Variants in DLG2 observed in about 807,000 individuals in gnomAD.
DLG2 encodes discs large MAGUK scaffold protein 2.
Under a neutral mutation model 132.5 loss-of-function variants are expected in DLG2, and 45 were observed. That is an observed-to-expected ratio of 0.34 (90% confidence interval 0.27 to 0.44). The LOEUF (loss-of-function observed/expected upper bound fraction) is 0.44, where lower values mean the gene tolerates loss of function less well. Ranked by LOEUF, DLG2 falls within the 20% of genes least tolerant of loss-of-function variation. The pLI is 1.00. For synonymous variants in DLG2, 424 were observed against 419.6 expected (o/e 1.01, Z -0.13); for missense variants, 1,045 against 1,196.9 (o/e 0.87, Z 1.87).
At chr11:85,382,597 G>A (rs2085980890) in intron 3 of DLG2, among the ~76,000 whole-genome samples, 1 of 151,926 alleles carries the variant, frequency 6.6e-6, no homozygotes, top group African/African-American at 2.4e-5. Context: ...AGTCATTTTT[G>A]ATAAGGGTTT....
chr11:84,170,043 G>C (rs1405381277), intron 8 of DLG2, among the ~76,000 whole-genome samples: 1 of 152,088 alleles, frequency 6.6e-6, no homozygotes. Context: ...ATGTTCATGA[G>C]AGCACAGGTT....
Position 83,655,457 on chromosome 11 carries a change from T to C in DLG2, c.1826-22132A>G, listed in dbSNP as rs1180240076. 3.3e-5 allele frequency among the ~76,000 whole-genome samples: 5 copies of C among 152,164 alleles called. No individual in the cohort carries two copies. The East Asian group carries it at 9.6e-4, about 29-fold the overall frequency. On this transcript the variant is annotated intron_variant, in intron 18 of 27. Transcript: ENST00000376104. ...AAAGGCTAAATTTCAGGGAGAGCAC[T>C]TGTCAGAGTGCTTATATTGGGTCAG...
At chr11:85,000,124 C>T (rs2058067683) in intron 6 of DLG2, among the ~76,000 whole-genome samples, 1 of 152,110 alleles carries the variant, frequency 6.6e-6, no homozygotes, top group African/African-American at 2.4e-5. Flanking sequence ...CTTTCTAGTG[C>T]ACTTCAAGGA....
intron 14 of DLG2, among the ~76,000 whole-genome samples, chr11:83,958,376 T>C (rs1258847623): frequency 6.6e-6 from 1 of 152,092 alleles, no homozygotes; most frequent in African/African-American, 2.4e-5. Flanking sequence ...TTATTGAGGC[T>C]TTTTTTATAT....
At chr11:83,865,976 A>G (rs1053685509) in intron 16 of DLG2, among the ~76,000 whole-genome samples, 1 of 152,170 alleles carries the variant, frequency 6.6e-6, no homozygotes, top group African/African-American at 2.4e-5. Flanking sequence ...TGCCTAGTCA[A>G]GGTCTATTGG....
intron 6 of DLG2, among the ~76,000 whole-genome samples, chr11:84,970,178 GA>G (rs2053887469): frequency 6.6e-6 from 1 of 151,862 alleles, no homozygotes; most frequent in African/African-American, 2.4e-5. Context: ...TAAAAAAAAG[GA>G]AAAAAGAAAT....
intron 18 of DLG2, among the ~76,000 whole-genome samples, chr11:83,678,905 C>T (rs1226792551): frequency 1.3e-5 from 2 of 152,078 alleles, no homozygotes; most frequent in African/African-American, 2.4e-5. Flanking sequence ...AAAATGTGAT[C>T]TTAACTGGCA....
At chr11:85,149,293 A>G (rs141611023) in intron 5 of DLG2, among the ~76,000 whole-genome samples, 14 of 152,290 alleles carry the variant, frequency 9.2e-5, no homozygotes, top group African/African-American at 2.9e-4. Flanking sequence ...AAGAATGTCA[A>G]TAGTATTTTG....
chr11:83,928,902 A>C (rs1043650237), intron 15 of DLG2, among the ~76,000 whole-genome samples: 4 of 152,206 alleles, frequency 2.6e-5, no homozygotes, highest in African/African-American at 9.7e-5. Flanking sequence ...AAGTCATTAC[A>C]GGTATGTGGC....
intron 18 of DLG2, among the ~76,000 whole-genome samples, chr11:83,730,669 C>T (rs182589585): frequency 1.1e-4 from 16 of 152,260 alleles, no homozygotes; most frequent in Admixed American, 7.2e-4. Flanking sequence ...CCTTTATCTG[C>T]CATTTATTTG....
intron 6 of DLG2, among the ~76,000 whole-genome samples, chr11:85,106,603 C>T (rs2071795144): frequency 6.6e-6 from 1 of 151,908 alleles, no homozygotes; most frequent in African/African-American, 2.4e-5. Context: ...TCTTTCTTTC[C>T]TTCTAGCACT....
chr11:83,965,243 G>A (rs2089923984), intron 13 of DLG2, 81 bp downstream of exon 13: 1 of 1,428,632 alleles, frequency 7.0e-7, no homozygotes, highest in Admixed American at 2.1e-5. Context: ...GAAGGTACAA[G>A]TAGAACACTT....
At chr11:84,118,635 T>C (rs1566581083) in intron 9 of DLG2, among the ~76,000 whole-genome samples, 2 of 152,222 alleles carry the variant, frequency 1.3e-5, no homozygotes, top group Non-Finnish European at 2.9e-5. Context: ...ATATATTTCT[T>C]TTAGAAGGTA....
intron 6 of DLG2, among the ~76,000 whole-genome samples, chr11:84,654,775 C>A (rs533638388): frequency 6.6e-6 from 1 of 152,286 alleles, no homozygotes; most frequent in Non-Finnish European, 1.5e-5. Flanking sequence ...CATTCATTCC[C>A]TTACTTTAGT....
At chr11:84,710,030 G>A (rs1266513898) in intron 6 of DLG2, among the ~76,000 whole-genome samples, 1 of 151,848 alleles carries the variant, frequency 6.6e-6, no homozygotes, top group Non-Finnish European at 1.5e-5. Flanking sequence ...TACTGTATGG[G>A]CCCTCATCTG....
intron 15 of DLG2, among the ~76,000 whole-genome samples, chr11:83,879,276 A>T (rs1333606536): frequency 6.6e-6 from 1 of 152,126 alleles, no homozygotes; most frequent in Non-Finnish European, 1.5e-5. Flanking sequence ...ACAGCACAAA[A>T]AGTTTTTTGT....
chr11:85,143,606 T>A (rs2076640174), intron 5 of DLG2, among the ~76,000 whole-genome samples: 1 of 151,818 alleles, frequency 6.6e-6, no homozygotes, highest in African/African-American at 2.4e-5. Flanking sequence ...CTATATCCCA[T>A]AAGTTTATGT....
intron 8 of DLG2, among the ~76,000 whole-genome samples, chr11:84,166,522 AAAAGAAAG>A (rs539763492): frequency 7.1e-6 from 1 of 141,500 alleles, no homozygotes; most frequent in African/African-American, 2.6e-5. Flanking sequence ...AAAAAAAAAG[AAAAGAAAG>A]AAAGAAAGAA....
At chr11:85,096,758 GC>G (rs1394754495) in intron 6 of DLG2, among the ~76,000 whole-genome samples, 3 of 152,128 alleles carry the variant, frequency 2.0e-5, no homozygotes, top group Non-Finnish European at 4.4e-5. Context: ...CTTTTCGCTT[GC>G]CATTCTGTCC....
Sources: allele counts gnomAD v4.1 joint callset (sites outside exome capture counted in the v4.1 genomes callset), GRCh38; gene constraint gnomAD v4.1.1; transcripts MANE v1.5; gene names NCBI Gene and HGNC (gene_info 2026-07-23, HGNC 2026-07-21).